TRHR: variants seen among roughly 807,000 people sequenced by gnomAD.
TRHR encodes thyrotropin-releasing hormone receptor.
Under a neutral mutation model 28.0 loss-of-function variants are expected in TRHR, and 14 were observed. The observed-to-expected ratio is 0.50, with a 90% CI of 0.33 to 0.78. TRHR has a LOEUF of 0.78. TRHR is among the 30% of genes least tolerant of loss of function. The pLI, the probability that TRHR is intolerant of heterozygous loss-of-function variation, is 0.02. For synonymous variants in TRHR, 176 were observed against 171.9 expected (o/e 1.02, Z -0.18); for missense variants, 438 against 469.5 (o/e 0.93, Z 0.62).
chr8:109,088,809 C>T (rs1053663728), intron 2 of TRHR, among the ~76,000 whole-genome samples: 2 of 152,142 alleles, frequency 1.3e-5, no homozygotes, highest in Admixed American at 1.3e-4. Context: ...GGTTCCTGGA[C>T]TTATTTTTGG....
chr8:109,118,158 A>C (rs1005597291), intron 2 of TRHR, among the ~76,000 whole-genome samples: 3 of 151,930 alleles, frequency 2.0e-5, no homozygotes, highest in Non-Finnish European at 4.4e-5. Context: ...CCCAGCCCTG[A>C]GACTCTACAG....
intron 2 of TRHR, among the ~76,000 whole-genome samples, chr8:109,116,611 T>G (rs1289818793): frequency 6.6e-6 from 1 of 152,160 alleles, no homozygotes; most frequent in Non-Finnish European, 1.5e-5. Context: ...TAGTACATTC[T>G]GATGGTAGTT....
chr8:109,121,340 T>A lies in TRHR; in HGVS notation c.*1885T>A, dbSNP rs139057982. The stretch of plus-strand genomic sequence containing the variant: ...TGTTTATAAACACATACCCACATGT[T>A]CATAAATTGGTGAAAAAGGGGATTG... On this transcript the variant is annotated 3_prime_UTR_variant, in exon 3 of 3. Transcript: ENST00000518632. Among the ~76,000 whole-genome samples, 409 of 151,788 alleles carry A rather than the reference T, an allele frequency of 2.7e-3. 2 individuals carry two copies. The highest frequency in any genetic ancestry group is 9.5e-3 in the African/African-American group (392 of 41,470).
chr8:109,113,973 G>A (rs1811877763), intron 2 of TRHR, among the ~76,000 whole-genome samples: 2 of 151,984 alleles, frequency 1.3e-5, no homozygotes, highest in Non-Finnish European at 2.9e-5. Flanking sequence ...TTAGCAATAA[G>A]AAATCTGTCC....
At position 109,088,268 on chromosome 8, in the gene TRHR, A is replaced by C; in HGVS notation, c.756A>C (p.Arg252Ser). 1 of 1,614,006 alleles carries C rather than the reference A, an allele frequency of 6.2e-7. No homozygotes were observed. Among genetic ancestry groups the C allele is most frequent in the Non-Finnish European group, 8.5e-7 (1 of 1,180,024 alleles). Residue 252 changes from arginine (R) to serine (S), a missense_variant, in exon 2 of 3, where the codon AGA becomes AGC. Transcript: ENST00000518632. ...NTNLNVNTSN[R>S]CFNSTVSSRK... ...ATCTGAATGTAAATACCTCTAATAG[A>C]TGTTTCAACAGCACAGTATCTTCAA... is the stretch of plus-strand genomic sequence containing the variant.
chr8:109,118,280 A>C (rs1392615345), intron 2 of TRHR, among the ~76,000 whole-genome samples: 1 of 152,088 alleles, frequency 6.6e-6, no homozygotes, highest in Admixed American at 6.6e-5. Flanking sequence ...TAACAAATAA[A>C]CACCTTGGAT....
intron 2 of TRHR, among the ~76,000 whole-genome samples, chr8:109,106,063 A>G (rs528203645): frequency 6.6e-6 from 1 of 152,204 alleles, no homozygotes; most frequent in Non-Finnish European, 1.5e-5. Context: ...TGCCAAATGC[A>G]GGAAAGAGCA....
chr8:109,090,701 G>A (rs1811505392), intron 2 of TRHR, among the ~76,000 whole-genome samples: 1 of 152,164 alleles, frequency 6.6e-6, no homozygotes, highest in Non-Finnish European at 1.5e-5. Flanking sequence ...CATTTGAGAT[G>A]GCTCTGGAAG....
chr8:109,087,939 A>C lies in TRHR; in HGVS notation c.427A>C (p.Lys143Gln), dbSNP rs765710756. ...GTTTCTCTGCACATTTTCCAGAGCC[A>C]AAAAGATTATCATCTTTGTCTGGGC... ...AQFLCTFSRA[K>Q]KIIIFVWAFT... is the part of the protein sequence containing the mutation. The change falls in exon 2 of 3, where the codon AAA becomes CAA. Residue 143 changes from lysine (K) to glutamine (Q), a missense_variant. By Grantham distance (53) the Lys-to-Gln change is moderately conservative. Transcript: ENST00000518632. The C allele has an allele frequency of 1.2e-5, 19 of 1,614,044 alleles. No homozygotes were observed. The South Asian group carries it at 2.1e-4, about 18-fold the overall frequency.
rs1811988151 is a variant in TRHR at position 109,120,275 on chromosome 8, A to T, written c.*820A>T. Among the ~76,000 whole-genome samples, 1 of 151,928 alleles carries T rather than the reference A, an allele frequency of 6.6e-6. No individual in the cohort carries two copies. Among genetic ancestry groups the T allele is most frequent in the Non-Finnish European group, 1.5e-5 (1 of 67,894 alleles). ...AATTTGAAAAGTATAGTCAAGACAAAGCAAGTATTTATAATTAGATTTTGC... is the reference window on the plus strand; with the variant it reads ...AATTTGAAAAGTATAGTCAAGACAATGCAAGTATTTATAATTAGATTTTGC... On this transcript the variant is annotated 3_prime_UTR_variant, in exon 3 of 3. Transcript: ENST00000518632.
At chr8:109,114,657 C>T (rs568895733) in intron 2 of TRHR, among the ~76,000 whole-genome samples, 1 of 152,060 alleles carries the variant, frequency 6.6e-6, no homozygotes, top group Non-Finnish European at 1.5e-5. Flanking sequence ...TGTTACACTT[C>T]CAGATTGTCA....
chr8:109,119,287 G>A lies in TRHR; in HGVS notation c.1029G>A (p.Glu343=), dbSNP rs760654998. The change falls in exon 3 of 3, where the codon GAG becomes GAA. Residue 343 remains glutamate, a synonymous_variant. Coordinates refer to ENST00000518632, the MANE Select transcript of TRHR (RefSeq NM_003301.7). ...GCAACTGCAAGCAGAAGCCAACAGA[G>A]AAACCTGCTAACTACAGTGTGGCCC... ...KLCNCKQKPT[E]KPANYSVALN... is the part of the protein sequence containing the mutation. The A allele has an allele frequency of 1.9e-6, 3 of 1,612,790 alleles. No homozygotes were observed. The highest frequency in any genetic ancestry group is 2.5e-6 in the Non-Finnish European group (3 of 1,179,238).
At chr8:109,103,254 G>A (rs1053437391) in intron 2 of TRHR, among the ~76,000 whole-genome samples, 1 of 152,064 alleles carries the variant, frequency 6.6e-6, no homozygotes, top group African/African-American at 2.4e-5. Flanking sequence ...CATGTCTTAT[G>A]TTCACAGTCC....
chr8:109,093,823 C>T (rs530871702), intron 2 of TRHR, among the ~76,000 whole-genome samples: 3 of 150,602 alleles, frequency 2.0e-5, no homozygotes, highest in Admixed American at 6.6e-5. Context: ...CCCAGCTCTA[C>T]CTTTAGAACT....
intron 2 of TRHR, among the ~76,000 whole-genome samples, chr8:109,111,525 C>A (rs934893264): frequency 6.6e-6 from 1 of 151,992 alleles, no homozygotes; most frequent in Non-Finnish European, 1.5e-5. Context: ...TATTCATTAA[C>A]AAGAAAATAT....
intron 2 of TRHR, among the ~76,000 whole-genome samples, chr8:109,094,742 T>C (rs1345597556): frequency 6.6e-6 from 1 of 151,666 alleles, no homozygotes; most frequent in Admixed American, 6.6e-5. Flanking sequence ...AAACAATGTG[T>C]CTTTATGAAT....
intron 2 of TRHR, among the ~76,000 whole-genome samples, chr8:109,105,789 C>T (rs926939082): frequency 2.0e-5 from 3 of 152,064 alleles, no homozygotes; most frequent in Non-Finnish European, 4.4e-5. Context: ...AAAGCCATGC[C>T]TGTTCCCTTA....
At chr8:109,107,386 T>C (rs758458452) in intron 2 of TRHR, among the ~76,000 whole-genome samples, 6 of 152,192 alleles carry the variant, frequency 3.9e-5, no homozygotes, top group African/African-American at 9.7e-5. Flanking sequence ...CAGACGTATA[T>C]ACTGAGGTTT....
rs1418121989 is a variant in TRHR at position 109,099,749 on chromosome 8, CA to C, written c.789+11449del. 2.6e-5 allele frequency among the ~76,000 whole-genome samples: 4 copies of C among 152,292 alleles called. No homozygotes were observed. In the East Asian group the frequency reaches 7.7e-4, roughly 29 times the overall value. ...CAAAAAAGAAAACACTGCAACCTTT[CA>C]TAAACAACACTGGTGACTTTTGGCT... On this transcript the variant is annotated intron_variant, in intron 2 of 2. Transcript: ENST00000518632.
Sources: gnomAD v4.1 joint callset for allele counts (sites outside exome capture counted in the v4.1 genomes callset) on GRCh38, gnomAD v4.1.1 for gene constraint, MANE v1.5 for transcripts, NCBI Gene and HGNC (gene_info 2026-07-23, HGNC 2026-07-21) for gene names.